The following ABCA4 variants were observed in gnomAD, a reference collection of about 807,000 sequenced individuals.
ABCA4 encodes retinal-specific phospholipid-transporting ATPase ABCA4.
A neutral mutation model predicts 263.7 loss-of-function variants in ABCA4; 196 were observed. The observed-to-expected ratio is 0.74, with a 90% confidence interval of 0.66 to 0.84. The LOEUF (loss-of-function observed/expected upper bound fraction) is 0.84, where lower values mean the gene tolerates loss of function less well. ABCA4 is among the 40% of genes least tolerant of loss of function. The pLI is 0.00. For missense variants in ABCA4, 2,792 were observed against 2,855.1 expected (o/e 0.98, Z 0.50); for synonymous variants, 1,133 against 1,094.2 (o/e 1.04, Z -0.70).
At chr1:94,015,030 A>C (rs940201297) in intron 37 of ABCA4, among the ~76,000 whole-genome samples, 2 of 152,150 alleles carry the variant, frequency 1.3e-5, no homozygotes, top group African/African-American at 4.8e-5. Context: ...AGCCCAGCTG[A>C]GGTCATCTCA....
chr1:94,048,087 G>A (rs554332279), intron 18 of ABCA4, among the ~76,000 whole-genome samples: 17 of 152,316 alleles, frequency 1.1e-4, no homozygotes, highest in Non-Finnish European at 2.2e-4. Flanking sequence ...GTGTACTGCA[G>A]TCTAACTCTG....
chr1:94,053,534 G>A (rs1311642487), intron 16 of ABCA4, among the ~76,000 whole-genome samples: 2 of 152,178 alleles, frequency 1.3e-5, no homozygotes, highest in Non-Finnish European at 2.9e-5. Context: ...GTTGAGATGA[G>A]GTCACATGGG....
At chr1:94,049,278 G>A (rs1347156675) in intron 17 of ABCA4, among the ~76,000 whole-genome samples, 1 of 152,092 alleles carries the variant, frequency 6.6e-6, no homozygotes, top group African/African-American at 2.4e-5. Flanking sequence ...CCCACCACTG[G>A]CACATTTTAC....
At chr1:94,056,232 T>A (rs1660973993) in intron 15 of ABCA4, among the ~76,000 whole-genome samples, 1 of 152,246 alleles carries the variant, frequency 6.6e-6, no homozygotes, top group African/African-American at 2.4e-5. Context: ...AACATCTCTT[T>A]AGACAGATAG....
chr1:94,019,791 C>A (rs113014755), intron 35 of ABCA4, 32 bp from the exon 36 acceptor site: 1 of 1,597,586 alleles, frequency 6.3e-7, no homozygotes, highest in East Asian at 2.2e-5. Flanking sequence ...AGGGAGAGGG[C>A]GATGAAGAGG....
Position 94,041,365 on chromosome 1 carries a change from C to T in ABCA4, c.3366G>A (p.Glu1122=). The T allele has an allele frequency of 1.2e-6, 2 of 1,614,096 alleles. 1 individual carries two copies. The highest frequency in any genetic ancestry group is 3.3e-4 in the Middle Eastern group (2 of 6,012). Reference sequence around the variant, plus strand: ...CAATGCGGTCCCCAAGGAGGTCGGCCTCGTCCATGTGGTGAGTGGACATGA... The same window carrying T: ...CAATGCGGTCCCCAAGGAGGTCGGCTTCGTCCATGTGGTGAGTGGACATGA... ...TIIMSTHHMD[E]ADLLGDRIAI... The change falls in exon 23 of 50, where the codon GAG becomes GAA. Residue 1122 remains glutamate, a synonymous_variant. Coordinates refer to ENST00000370225, the MANE Select transcript of ABCA4 (RefSeq NM_000350.3).
In ABCA4 at chr1:94,010,828, C is replaced by A. The variant is rs759813536; in HGVS notation, c.5686G>T (p.Val1896Phe). The change falls in exon 40 of 50, where the codon GTC becomes TTC. Residue 1896 changes from valine (V) to phenylalanine (F), a missense_variant. Physicochemically the swap from Val to Phe is conservative, Grantham distance 50 (BLOSUM62 -1). Coordinates refer to ENST00000370225, the MANE Select transcript of ABCA4 (RefSeq NM_000350.3). ...GVVYFLLTLL[V>F]QRHFFLSQWI... Reference sequence around the variant, plus strand: ...TGGGAGAGGAAGAAGTGGCGCTGGACCAGCAGGGTCAGGAGGAAGTACACC... The same window carrying A: ...TGGGAGAGGAAGAAGTGGCGCTGGAACAGCAGGGTCAGGAGGAAGTACACC... 5.0e-6 allele frequency: 8 copies of A among 1,613,958 alleles called. No homozygotes were observed. The highest frequency in any genetic ancestry group is 3.3e-5 in the Admixed American group (2 of 59,990).
chr1:94,024,488 C>T (rs80240085), intron 31 of ABCA4, among the ~76,000 whole-genome samples: 2,580 of 152,256 alleles, frequency 0.017, 66 homozygotes, highest in African/African-American at 0.059. Flanking sequence ...GTGCTGGACT[C>T]AGACACTGTC....
chr1:94,028,968 G>C (rs536091335), intron 30 of ABCA4, among the ~76,000 whole-genome samples: 1 of 138,202 alleles, frequency 7.2e-6, no homozygotes, highest in East Asian at 2.1e-4. Flanking sequence ...GATATTAAAA[G>C]TGATGCAGAT....
chr1:94,054,766 C>G (rs184743125), intron 16 of ABCA4, among the ~76,000 whole-genome samples: 121 of 152,130 alleles, frequency 8.0e-4, no homozygotes, highest in African/African-American at 2.8e-3. Context: ...AGAGGAAAAG[C>G]CAGTGCAAGC....
chr1:94,056,950 G>T, intron 14 of ABCA4, 128 bp from the exon 15 acceptor site: 2 of 795,154 alleles, frequency 2.5e-6, no homozygotes, highest in Non-Finnish European at 4.3e-6. Context: ...TCCATGTGCT[G>T]AGTTCCTTTA....
chr1:94,055,046 T>A, intron 16 of ABCA4, 65 bp downstream of exon 16: 1 of 1,439,638 alleles, frequency 6.9e-7, no homozygotes, highest in Non-Finnish European at 9.8e-7. Flanking sequence ...TTAAACTAGA[T>A]GAATGGAGAG....
intron 4 of ABCA4, among the ~76,000 whole-genome samples, chr1:94,105,001 G>T (rs533666133): frequency 1.8e-3 from 268 of 151,798 alleles, no homozygotes; most frequent in African/African-American, 6.0e-3. Context: ...GCACACATGC[G>T]CACACATGCA....
chr1:94,016,259 C>T (rs563841111), intron 36 of ABCA4, among the ~76,000 whole-genome samples: 22 of 152,316 alleles, frequency 1.4e-4, no homozygotes, highest in Admixed American at 3.9e-4. Context: ...TTTAGTCCTA[C>T]AGCCACTATA....
intron 6 of ABCA4, among the ~76,000 whole-genome samples, chr1:94,093,370 T>G (rs1442870685): frequency 6.6e-6 from 1 of 152,204 alleles, no homozygotes; most frequent in Non-Finnish European, 1.5e-5. Context: ...GTAGTCAGAT[T>G]CTCGAAGGTA....
At chr1:94,080,830 A>G in intron 7 of ABCA4, 112 bp from the exon 8 acceptor site, 1 of 1,474,888 alleles carries the variant, frequency 6.8e-7, no homozygotes, top group Non-Finnish European at 9.4e-7. Flanking sequence ...GAAAACATCC[A>G]TATATTCTCA....
chr1:94,092,789 G>T (rs1034842837), intron 6 of ABCA4, among the ~76,000 whole-genome samples: 5 of 149,880 alleles, frequency 3.3e-5, no homozygotes, highest in Non-Finnish European at 7.5e-5. Flanking sequence ...CACTCCATGA[G>T]ACAGACCTTC....
At chr1:94,000,023 CAT>C (rs1659131007) in intron 47 of ABCA4, among the ~76,000 whole-genome samples, 1 of 152,250 alleles carries the variant, frequency 6.6e-6, no homozygotes, top group African/African-American at 2.4e-5. Flanking sequence ...TGCTCTGACA[CAT>C]ATGAAAGGAT....
intron 36 of ABCA4, 89 bp from the exon 37 acceptor site, chr1:94,015,943 G>T: frequency 9.1e-7 from 1 of 1,094,574 alleles, no homozygotes; most frequent in Non-Finnish European, 1.4e-6. Flanking sequence ...GGCTCCTCCA[G>T]CTCGTAGGGT....
Sources: allele counts gnomAD v4.1 joint callset (sites outside exome capture counted in the v4.1 genomes callset), GRCh38; gene constraint gnomAD v4.1.1; transcripts MANE v1.5; gene names NCBI Gene and HGNC (gene_info 2026-07-23, HGNC 2026-07-21).